Variants in DAB1 observed in about 807,000 individuals in gnomAD.
The protein encoded by DAB1 is DAB adaptor protein 1.
Under a neutral mutation model 64.6 loss-of-function variants are expected in DAB1, and 15 were observed. The observed-to-expected ratio is 0.23, with a 90% CI of 0.16 to 0.36. The LOEUF is 0.36. Among genes scored for constraint, DAB1 ranks in the 10% least tolerant of loss-of-function variants. The probability of loss-of-function intolerance (pLI) is 1.00; values close to 1 mark genes in which losing one functional copy is unlikely to be tolerated. For synonymous variants in DAB1, 235 were observed against 251.9 expected (o/e 0.93, Z 0.64); for missense variants, 596 against 706.7 (o/e 0.84, Z 1.78).
chr1:57,370,625 A>AC (rs1680422204), intron 1 of DAB1, among the ~76,000 whole-genome samples: 1 of 152,082 alleles, frequency 6.6e-6, no homozygotes, highest in South Asian at 2.1e-4. Context: ...GAAAAAAAAA[A>AC]AAACGTGTAA....
At chr1:57,059,382 T>C (rs1318123768) in intron 9 of DAB1, among the ~76,000 whole-genome samples, 2 of 152,192 alleles carry the variant, frequency 1.3e-5, no homozygotes, top group Non-Finnish European at 2.9e-5. Context: ...AGGTGGAACC[T>C]AGAGTAACAG....
At chr1:57,249,016 T>C (rs1260294509) in intron 2 of DAB1, among the ~76,000 whole-genome samples, 4 of 152,186 alleles carry the variant, frequency 2.6e-5, no homozygotes, top group African/African-American at 7.2e-5. Context: ...TCCCTAGATG[T>C]GGGCAGTGCC....
intron 5 of DAB1, among the ~76,000 whole-genome samples, chr1:58,007,297 C>A (rs1392154872): frequency 1.3e-5 from 2 of 152,048 alleles, no homozygotes; most frequent in African/African-American, 4.8e-5. Context: ...TAGTTTGAGC[C>A]AATCCCTCAT....
chr1:57,750,830 C>A (rs1257201776), intron 6 of DAB1, among the ~76,000 whole-genome samples: 1 of 152,146 alleles, frequency 6.6e-6, no homozygotes, highest in African/African-American at 2.4e-5. Flanking sequence ...TCTGTACCGC[C>A]TGACATGACA....
At chr1:57,206,968 C>CTTTTTTTTTTTTTTTTTTTTTTT (rs201111039) in intron 2 of DAB1, among the ~76,000 whole-genome samples, 5 of 84,476 alleles carry the variant, frequency 5.9e-5, no homozygotes, top group Admixed American at 1.7e-4. Context: ...TCCTTCCTTC[C>CTTTTTTTTTTTTTTTTTTTTTTT]TTTTTTTTTT....
chr1:57,089,503 C>T (rs1042017170), intron 4 of DAB1, among the ~76,000 whole-genome samples: 2 of 151,834 alleles, frequency 1.3e-5, no homozygotes, highest in Non-Finnish European at 2.9e-5. Flanking sequence ...AGCTTTTACT[C>T]ATGGCGGAAG....
chr1:57,433,530 T>C (rs1685587200), intron 7 of DAB1, among the ~76,000 whole-genome samples: 1 of 151,864 alleles, frequency 6.6e-6, no homozygotes, highest in Non-Finnish European at 1.5e-5. Flanking sequence ...TAGAACAAAA[T>C]ATAAAAGCTA....
chr1:57,108,602 G>A (rs1278807015), intron 4 of DAB1, among the ~76,000 whole-genome samples: 2 of 152,136 alleles, frequency 1.3e-5, no homozygotes, highest in South Asian at 4.1e-4. Flanking sequence ...TCTTGCTTAA[G>A]ACAACCTTCT....
chr1:57,909,647 T>A (rs886698458), intron 5 of DAB1, among the ~76,000 whole-genome samples: 1 of 152,198 alleles, frequency 6.6e-6, no homozygotes, highest in African/African-American at 2.4e-5. Context: ...CTGTGCCATT[T>A]AGCAAAAAAT....
Position 57,757,220 on chromosome 1 carries a change from T to TTTG in DAB1, n.552-107556_552-107555insCAA, listed in dbSNP as rs200688727. Among the ~76,000 whole-genome samples the TTTG allele has an allele frequency of 3.5e-4, 42 of 120,182 alleles. 2 individuals are homozygous for TTTG. Among genetic ancestry groups the TTTG allele is most frequent in the Non-Finnish European group, 5.7e-4 (31 of 54,844 alleles). 78.8% of individuals were successfully genotyped at this position (120,182 alleles called of 152,430 possible). On this transcript the variant is annotated intron_variant and non_coding_transcript_variant, in intron 6 of 20. Coordinates refer to the DAB1 transcript ENST00000485760. ...AGAATTTTTTTTTTTTTTTTTTTTT[T>TTTG]AGCAGCAATGATGGAGGCTAACAGC...
At chr1:58,207,827 CA>C (rs1306689831) in intron 4 of DAB1, among the ~76,000 whole-genome samples, 4 of 152,086 alleles carry the variant, frequency 2.6e-5, no homozygotes, top group Admixed American at 1.3e-4. Context: ...GTAACTTTCC[CA>C]AGATCACAAA....
chr1:58,167,198 G>T (rs151142193), intron 4 of DAB1, among the ~76,000 whole-genome samples: 1 of 152,212 alleles, frequency 6.6e-6, no homozygotes, highest in Non-Finnish European at 1.5e-5. Context: ...GTCAGGTGGG[G>T]ACTTGGAAAA....
intron 5 of DAB1, among the ~76,000 whole-genome samples, chr1:57,973,468 A>G (rs1360679053): frequency 2.6e-5 from 4 of 152,226 alleles, no homozygotes; most frequent in Non-Finnish European, 5.9e-5. Flanking sequence ...TACAATAAAT[A>G]TACATCTTCT....
chr1:58,200,267 G>T (rs1169490889), intron 4 of DAB1, among the ~76,000 whole-genome samples: 1 of 152,092 alleles, frequency 6.6e-6, no homozygotes, highest in Non-Finnish European at 1.5e-5. Flanking sequence ...AGTCCAATCA[G>T]CTCCCTACAT....
intron 1 of DAB1, among the ~76,000 whole-genome samples, chr1:57,297,850 T>C (rs1332399446): frequency 6.6e-6 from 1 of 152,190 alleles, no homozygotes; most frequent in African/African-American, 2.4e-5. Flanking sequence ...AATTATTTTA[T>C]GGCTGCCAGT....
At chr1:57,440,714 T>C (rs1244230934) in intron 7 of DAB1, among the ~76,000 whole-genome samples, 1 of 152,246 alleles carries the variant, frequency 6.6e-6, no homozygotes, top group Non-Finnish European at 1.5e-5. Flanking sequence ...TAGGCATTGC[T>C]GTTCTCCAGG....
chr1:57,597,954 T>G (rs995321755), intron 7 of DAB1, among the ~76,000 whole-genome samples: 7 of 152,146 alleles, frequency 4.6e-5, no homozygotes, highest in African/African-American at 1.7e-4. Flanking sequence ...ATCCACATTT[T>G]TATTTATTTT....
In DAB1 at chr1:57,559,527, C is replaced by T. The variant is rs187269168; in HGVS notation, n.625+90065G>A. On this transcript the variant is annotated intron_variant and non_coding_transcript_variant, in intron 7 of 20. Transcript: ENST00000485760. ...AGACATTTCGGGGACTATTGGACAC[C>T]GGCTCTTAGCTGATGTTGATTCCAG... Among the ~76,000 whole-genome samples, 285 of 152,232 alleles carry T rather than the reference C, an allele frequency of 1.9e-3. 1 individual carries two copies. Among genetic ancestry groups the T allele is most frequent in the African/African-American group, 5.9e-3 (245 of 41,528 alleles).
Position 58,334,635 on chromosome 1 carries a change from TCA to T in DAB1, n.309+8715_309+8716del, listed in dbSNP as rs1491200849. On this transcript the variant is annotated intron_variant and non_coding_transcript_variant, in intron 4 of 20. Transcript: ENST00000485760. ...TTATATTATATTATATTATATTATA[TCA>T]TATCATATCATATCATATTATATTA... Among the ~76,000 whole-genome samples, 108 of 109,686 alleles carry T rather than the reference TCA, an allele frequency of 9.8e-4. 5 individuals carry two copies. In the South Asian group the frequency reaches 0.041, roughly 42 times the overall value. 72.0% of individuals were successfully genotyped at this position (109,686 alleles called of 152,430 possible).
Sources: gnomAD v4.1 joint callset for allele counts (sites outside exome capture counted in the v4.1 genomes callset) on GRCh38, gnomAD v4.1.1 for gene constraint, MANE v1.5 for transcripts, NCBI Gene and HGNC (gene_info 2026-07-23, HGNC 2026-07-21) for gene names.